The following XRRA1 variants were observed in gnomAD, a reference collection of about 807,000 sequenced individuals.
XRRA1 encodes the protein X-ray radiation resistance associated 1, also known as X-ray radiation resistance-associated protein 1.
XRRA1 carries 69 observed loss-of-function variants against 80.2 expected under a neutral mutation model. The observed-to-expected ratio is 0.86, with a 90% CI of 0.71 to 1.05. The LOEUF is 1.05. Among genes scored for constraint, XRRA1 ranks in the 50% least tolerant of loss-of-function variants. The pLI, the probability that XRRA1 is intolerant of heterozygous loss-of-function variation, is 0.00. For missense variants in XRRA1, 967 were observed against 976.4 expected (o/e 0.99, Z 0.13); for synonymous variants, 348 against 389.9 (o/e 0.89, Z 1.27).
At chr11:74,906,580 G>A in intron 9 of XRRA1, 124 bp from the exon 10 acceptor site, 1 of 1,091,690 alleles carries the variant, frequency 9.2e-7, no homozygotes, top group Non-Finnish European at 1.3e-6. Context: ...GTGTGACGTT[G>A]AGCCGGTGAC....
Position 74,935,672 on chromosome 11 carries a change from G to T in XRRA1, c.279+1212C>A, listed in dbSNP as rs146065375. The stretch of plus-strand genomic sequence containing the variant: ...CAACAGAGAGAGTAAAGTAGATACT[G>T]GAAAAAGAGGTCTGTTTTGGGATTT... On this transcript the variant is annotated intron_variant, in intron 4 of 18. Coordinates refer to ENST00000684022, the MANE Select transcript of XRRA1 (RefSeq NM_001378157.1). Among the ~76,000 whole-genome samples, 377 of 152,230 alleles carry T rather than the reference G, an allele frequency of 2.5e-3. 1 individual carries two copies. Among genetic ancestry groups the T allele is most frequent in the African/African-American group, 8.5e-3 (352 of 41,536 alleles).
At chr11:74,875,849 C>G (rs186940351) in intron 10 of XRRA1, among the ~76,000 whole-genome samples, 2 of 152,274 alleles carry the variant, frequency 1.3e-5, no homozygotes, top group East Asian at 3.9e-4. Context: ...GAAGCCTGAG[C>G]AACAGAGTGA....
chr11:74,944,805 C>T (rs1947167593), intron 2 of XRRA1, among the ~76,000 whole-genome samples: 1 of 152,190 alleles, frequency 6.6e-6, no homozygotes, highest in Admixed American at 6.5e-5. Context: ...AATTTATATT[C>T]AGTCAATATG....
intron 10 of XRRA1, among the ~76,000 whole-genome samples, chr11:74,878,883 G>A (rs895013858): frequency 5.9e-5 from 9 of 151,998 alleles, no homozygotes; most frequent in African/African-American, 1.9e-4. Flanking sequence ...AGTATAGTTT[G>A]AAGTCAGGTA....
intron 10 of XRRA1, among the ~76,000 whole-genome samples, chr11:74,893,219 T>C (rs1591133379): frequency 6.6e-6 from 1 of 152,176 alleles, no homozygotes; most frequent in Non-Finnish European, 1.5e-5. Flanking sequence ...TGGAATACTA[T>C]GCAGCCATAA....
intron 10 of XRRA1, among the ~76,000 whole-genome samples, chr11:74,872,425 T>C (rs2045031934): frequency 6.6e-6 from 1 of 152,098 alleles, no homozygotes; most frequent in African/African-American, 2.4e-5. Flanking sequence ...TGGTCTTTCA[T>C]AATAGGGACC....
At chr11:74,882,695 A>T (rs2047954913) in intron 10 of XRRA1, among the ~76,000 whole-genome samples, 1 of 151,460 alleles carries the variant, frequency 6.6e-6, no homozygotes, top group Non-Finnish European at 1.5e-5. Context: ...TTTGGTGTGG[A>T]TGTCCTTTCT....
intron 10 of XRRA1, among the ~76,000 whole-genome samples, chr11:74,880,321 T>C (rs1345870021): frequency 3.3e-5 from 5 of 152,238 alleles, no homozygotes; most frequent in Admixed American, 3.3e-4. Context: ...ATCCCCTTTA[T>C]CATTTTTTAT....
At chr11:74,947,438 T>A (rs1455294819) in intron 1 of XRRA1, among the ~76,000 whole-genome samples, 1 of 152,020 alleles carries the variant, frequency 6.6e-6, no homozygotes, top group Non-Finnish European at 1.5e-5. Context: ...CTTGGGAGGC[T>A]GAGGCACAAG....
chr11:74,912,413 TGA>T (rs2138488450), intron 8 of XRRA1, among the ~76,000 whole-genome samples: 1 of 152,324 alleles, frequency 6.6e-6, no homozygotes, highest in Non-Finnish European at 1.5e-5. Context: ...CAGAAGTGGC[TGA>T]GAGGCTGAGA....
chr11:74,905,453 G>A (rs763608690), intron 10 of XRRA1, among the ~76,000 whole-genome samples: 46 of 152,212 alleles, frequency 3.0e-4, no homozygotes, highest in Admixed American at 2.0e-3. Flanking sequence ...TGCTTTGACC[G>A]CTGGTTTCCT....
At chr11:74,905,353 C>T (rs1184066593) in intron 10 of XRRA1, among the ~76,000 whole-genome samples, 1 of 152,170 alleles carries the variant, frequency 6.6e-6, no homozygotes, top group Non-Finnish European at 1.5e-5. Flanking sequence ...CTGTGCCCGG[C>T]CAGTTATTAG....
chr11:74,901,873 T>C (rs981732212), intron 10 of XRRA1, among the ~76,000 whole-genome samples: 2 of 152,050 alleles, frequency 1.3e-5, no homozygotes, highest in Non-Finnish European at 2.9e-5. Flanking sequence ...TTTTCTTGAG[T>C]AGTAATATCT....
chr11:74,848,722 A>G (rs938109637), intron 14 of XRRA1, among the ~76,000 whole-genome samples: 10 of 152,202 alleles, frequency 6.6e-5, no homozygotes, highest in African/African-American at 2.2e-4. Context: ...TTAGAGAGGT[A>G]AAATGACCTG....
chr11:74,851,977 C>G lies in XRRA1; in HGVS notation c.1264+12G>C. 7 of 1,611,758 alleles carry G rather than the reference C, an allele frequency of 4.3e-6. No homozygotes were observed. In the South Asian group the frequency reaches 6.6e-5, roughly 15 times the overall value. On this transcript the variant is annotated intron_variant, in intron 13 of 18. Coordinates refer to ENST00000684022, the MANE Select transcript of XRRA1 (RefSeq NM_001378157.1). ...ACTGGGTTGAGAGGGGGCAGGTTTG[C>G]GGGCACTATACCTCGTGTATGGGCC... is the stretch of plus-strand genomic sequence containing the variant.
intron 10 of XRRA1, among the ~76,000 whole-genome samples, chr11:74,888,906 G>A (rs2049871051): frequency 6.6e-6 from 1 of 152,216 alleles, no homozygotes; most frequent in Non-Finnish European, 1.5e-5. Flanking sequence ...GGGACTATGT[G>A]AAAAGACCAA....
chr11:74,948,615 T>C (rs1948139258), intron 1 of XRRA1, among the ~76,000 whole-genome samples: 1 of 152,234 alleles, frequency 6.6e-6, no homozygotes, highest in Non-Finnish European at 1.5e-5. Context: ...AGATACATGC[T>C]ATCTGGCTTT....
intron 10 of XRRA1, among the ~76,000 whole-genome samples, chr11:74,904,904 A>AG (rs1454675768): frequency 5.3e-5 from 8 of 151,890 alleles, no homozygotes; most frequent in African/African-American, 1.9e-4. Flanking sequence ...AAAAAAAAAA[A>AG]AAAAAAGCCA....
chr11:74,843,641 T>C (rs750732501), intron 18 of XRRA1, 188 bp from the exon 19 acceptor site: 12 of 865,660 alleles, frequency 1.4e-5, no homozygotes, highest in Non-Finnish European at 2.1e-5. Flanking sequence ...ATTGACTCTA[T>C]CTTAAGCCCT....
Sources: gnomAD v4.1 joint callset for allele counts (sites outside exome capture counted in the v4.1 genomes callset) on GRCh38, gnomAD v4.1.1 for gene constraint, MANE v1.5 for transcripts, NCBI Gene and HGNC (gene_info 2026-07-23, HGNC 2026-07-21) for gene names.